The following PTPRD variants were observed in gnomAD, a reference collection of about 807,000 sequenced individuals.
PTPRD encodes protein tyrosine phosphatase receptor type D, also known as receptor-type tyrosine-protein phosphatase delta.
PTPRD carries 34 observed loss-of-function variants against 214.5 expected under a neutral mutation model. That is an observed-to-expected ratio of 0.16 (90% CI 0.12 to 0.21). PTPRD has a LOEUF of 0.21. Ranked by LOEUF, PTPRD falls within the 10% of genes least tolerant of loss-of-function variation. The pLI is 1.00. For missense variants in PTPRD, 2,545 were observed against 2,398.7 expected, an observed-to-expected ratio of 1.06 and a Z score of -1.27; for synonymous variants, 1,128 against 845.7, an observed-to-expected ratio of 1.33 and a Z score of -5.79.
At chr9:9,657,214 A>C (rs2096535567) in intron 7 of PTPRD, among the ~76,000 whole-genome samples, 2 of 152,186 alleles carry the variant, frequency 1.3e-5, no homozygotes, top group African/African-American at 4.8e-5. Flanking sequence ...TAAATTTTAT[A>C]GTAAAAAATT....
In PTPRD at chr9:10,085,636, T is replaced by C. The variant is rs1294721146; in HGVS notation, c.-544-51846A>G. 2.0e-5 allele frequency among the ~76,000 whole-genome samples: 3 copies of C among 151,820 alleles called. No homozygotes were observed. In the East Asian group the frequency reaches 5.9e-4, roughly 30 times the overall value. On this transcript the variant is annotated intron_variant, in intron 3 of 45. Transcript: ENST00000381196. ...AAAGTGAGAGACTCAGGAAGAATACTGGCGCCTGCCTGTGCATGCCTCCCA... is the reference window on the plus strand; with the variant it reads ...AAAGTGAGAGACTCAGGAAGAATACCGGCGCCTGCCTGTGCATGCCTCCCA...
chr9:10,409,169 T>A (rs190171809), intron 2 of PTPRD, among the ~76,000 whole-genome samples: 1 of 151,942 alleles, frequency 6.6e-6, no homozygotes, highest in Non-Finnish European at 1.5e-5. Flanking sequence ...AATATCTAAC[T>A]TTTTAAAGAA....
chr9:9,131,541 A>G (rs563405921), intron 10 of PTPRD, among the ~76,000 whole-genome samples: 171 of 152,336 alleles, frequency 1.1e-3, no homozygotes, highest in African/African-American at 3.5e-3. Context: ...TTGCCATAAT[A>G]TATTCTATTT....
intron 10 of PTPRD, among the ~76,000 whole-genome samples, chr9:9,104,881 A>C (rs943654926): frequency 6.6e-6 from 1 of 152,208 alleles, no homozygotes; most frequent in Non-Finnish European, 1.5e-5. Flanking sequence ...GAGTGAGACA[A>C]ACAAACTGGT....
chr9:9,851,041 A>C (rs2060459826), intron 5 of PTPRD, among the ~76,000 whole-genome samples: 1 of 152,214 alleles, frequency 6.6e-6, no homozygotes, highest in African/African-American at 2.4e-5. Context: ...ACCTAACTTC[A>C]GATTCTTTAT....
chr9:10,553,190 C>A (rs1195042743), intron 2 of PTPRD, among the ~76,000 whole-genome samples: 1 of 152,150 alleles, frequency 6.6e-6, no homozygotes, highest in East Asian at 1.9e-4. Flanking sequence ...GCACAGTCCC[C>A]ACCCAGGCAG....
chr9:9,320,225 GTTTTAA>G (rs1569567329), intron 9 of PTPRD, among the ~76,000 whole-genome samples: 14 of 151,922 alleles, frequency 9.2e-5, no homozygotes, highest in Admixed American at 5.2e-4. Context: ...TTTTTCCCAT[GTTTTAA>G]TAAAAAGGAC....
intron 9 of PTPRD, among the ~76,000 whole-genome samples, chr9:9,230,718 T>C (rs2099962566): frequency 6.6e-6 from 1 of 152,062 alleles, no homozygotes; most frequent in Non-Finnish European, 1.5e-5. Flanking sequence ...GTCAGGAGTG[T>C]TGCGCATATA....
chr9:10,484,904 C>T (rs1039952983), intron 2 of PTPRD, among the ~76,000 whole-genome samples: 1 of 151,908 alleles, frequency 6.6e-6, no homozygotes, highest in African/African-American at 2.4e-5. Flanking sequence ...GATACCCATG[C>T]TTATGGGATA....
intron 3 of PTPRD, among the ~76,000 whole-genome samples, chr9:10,094,649 T>C (rs1322719528): frequency 2.0e-5 from 3 of 150,758 alleles, no homozygotes; most frequent in Non-Finnish European, 4.4e-5. Flanking sequence ...ACATAGCATA[T>C]CTATAATCAT....
At chr9:8,355,585 G>C (rs994734589) in intron 39 of PTPRD, among the ~76,000 whole-genome samples, 1 of 152,216 alleles carries the variant, frequency 6.6e-6, no homozygotes, top group Non-Finnish European at 1.5e-5. Context: ...ATGGGAAACA[G>C]TTAAGAGACT....
At chr9:8,700,348 C>G (rs1439126245) in intron 12 of PTPRD, among the ~76,000 whole-genome samples, 1 of 152,154 alleles carries the variant, frequency 6.6e-6, no homozygotes, top group African/African-American at 2.4e-5. Context: ...AACAGCTTTT[C>G]CATTTCAGAA....
At chr9:9,887,701 A>G (rs1331224718) in intron 5 of PTPRD, among the ~76,000 whole-genome samples, 1 of 152,156 alleles carries the variant, frequency 6.6e-6, no homozygotes, top group Non-Finnish European at 1.5e-5. Context: ...GCACTTCCTT[A>G]AAAGTATTTA....
intron 11 of PTPRD, among the ~76,000 whole-genome samples, chr9:8,933,342 T>TTTTTTG: frequency 9.5e-6 from 1 of 105,206 alleles, no homozygotes; most frequent in South Asian, 3.6e-4. Context: ...ACCTTGAGGT[T>TTTTTTG]TTTTTTTTTT....
At chr9:9,386,364 C>T (rs1035594860) in intron 9 of PTPRD, among the ~76,000 whole-genome samples, 1 of 151,998 alleles carries the variant, frequency 6.6e-6, no homozygotes, top group Non-Finnish European at 1.5e-5. Context: ...ACTTCAAATG[C>T]CTCTGGTATG....
intron 3 of PTPRD, among the ~76,000 whole-genome samples, chr9:10,177,278 T>C (rs2099254316): frequency 6.6e-6 from 1 of 151,434 alleles, no homozygotes; most frequent in African/African-American, 2.4e-5. Flanking sequence ...AATGTGGAAG[T>C]TCAGGGAAGA....
chr9:8,904,961 A>C (rs1274471571), intron 11 of PTPRD, among the ~76,000 whole-genome samples: 1 of 152,212 alleles, frequency 6.6e-6, no homozygotes, highest in Non-Finnish European at 1.5e-5. Flanking sequence ...AAATTGGCCG[A>C]AGATGTAAAC....
At chr9:10,185,586 T>C (rs2099326723) in intron 3 of PTPRD, among the ~76,000 whole-genome samples, 1 of 152,196 alleles carries the variant, frequency 6.6e-6, no homozygotes, top group Non-Finnish European at 1.5e-5. Context: ...GTAACTTGTC[T>C]AATGTTATAC....
At chr9:8,328,366 G>C (rs1455911718) in intron 44 of PTPRD, among the ~76,000 whole-genome samples, 13 of 152,168 alleles carry the variant, frequency 8.5e-5, no homozygotes. Flanking sequence ...CTGGCTTGTA[G>C]GGTTGCTGTC....
Sources: allele counts gnomAD v4.1 joint callset (sites outside exome capture counted in the v4.1 genomes callset), GRCh38; gene constraint gnomAD v4.1.1; transcripts MANE v1.5; gene names NCBI Gene and HGNC (gene_info 2026-07-23, HGNC 2026-07-21).